KIF26B: variants seen among roughly 807,000 people sequenced by gnomAD.
KIF26B encodes the protein kinesin family member 26B, also known as kinesin-like protein KIF26B.
A neutral mutation model predicts 151.2 loss-of-function variants in KIF26B; 63 were observed. That is an observed-to-expected ratio of 0.42 (90% CI 0.34 to 0.51). The LOEUF (loss-of-function observed/expected upper bound fraction) is 0.51. KIF26B is among the 20% of genes least tolerant of loss of function. The probability of loss-of-function intolerance (pLI) is 0.07; values close to 1 mark genes in which losing one functional copy is unlikely to be tolerated. For synonymous variants in KIF26B, 1,357 were observed against 1,262.1 expected (o/e 1.08, Z -1.59); for missense variants, 2,813 against 2,913.6 (o/e 0.97, Z 0.79).
In KIF26B at chr1:245,508,189, C is replaced by CCATT. The variant is rs201663658; in HGVS notation, c.1167-32558_1167-32555dup. ...AGGATGTTCTAGACCCTTCACCATT[C>CCATT]CATTCATTCATTCATTCATTCATCT... is the stretch of plus-strand genomic sequence containing the variant. On this transcript the variant is annotated intron_variant, in intron 4 of 14. Coordinates refer to ENST00000407071, the MANE Select transcript of KIF26B (RefSeq NM_018012.4). Among the ~76,000 whole-genome samples, 1,503 of 152,294 alleles carry CCATT rather than the reference C, an allele frequency of 9.9e-3. 30 individuals are homozygous for CCATT. Among genetic ancestry groups the CCATT allele is most frequent in the Admixed American group, 0.034 (515 of 15,302 alleles).
chr1:245,169,330 T>TGTGTGGGTGG (rs1553330289), intron 2 of KIF26B, among the ~76,000 whole-genome samples: 11 of 142,332 alleles, frequency 7.7e-5, no homozygotes, highest in African/African-American at 3.2e-4. Flanking sequence ...CGGGCCATGG[T>TGTGTGGGTGG]GTGTGTGTGT....
chr1:245,611,107 A>G (rs1203056781), intron 8 of KIF26B, among the ~76,000 whole-genome samples: 2 of 152,236 alleles, frequency 1.3e-5, no homozygotes, highest in Non-Finnish European at 2.9e-5. Flanking sequence ...GCTTTCTTTA[A>G]TCAATTAATG....
intron 10 of KIF26B, among the ~76,000 whole-genome samples, chr1:245,671,913 G>C (rs768856000): frequency 2.0e-5 from 3 of 152,204 alleles, no homozygotes; most frequent in African/African-American, 7.2e-5. Context: ...AGAGGGGTGC[G>C]TGCCCCGAGC....
intron 4 of KIF26B, among the ~76,000 whole-genome samples, chr1:245,526,559 A>G (rs865949552): frequency 6.6e-6 from 1 of 152,214 alleles, no homozygotes; most frequent in Non-Finnish European, 1.5e-5. Flanking sequence ...GAAAGGGGGG[A>G]AAAGAAATTA....
In KIF26B at chr1:245,686,640, A is replaced by G. The variant is rs763796142; in HGVS notation, c.3657A>G (p.Ala1219=). The change falls in exon 12 of 15, where the codon GCA becomes GCG. Residue 1219 remains alanine (A), a synonymous_variant. Coordinates refer to ENST00000407071, the MANE Select transcript of KIF26B (RefSeq NM_018012.4). The surrounding 1 kb of genome is among the most constrained non-coding windows in gnomAD (Gnocchi z 5.6). ...SIISFNSDCS[A]RALASGSRPV... Reference sequence around the variant, plus strand: ...TCAGCTTCAACAGCGACTGCTCTGCACGGGCCCTGGCCTCGGGCTCGCGGC... The same window carrying G: ...TCAGCTTCAACAGCGACTGCTCTGCGCGGGCCCTGGCCTCGGGCTCGCGGC... The G allele has an allele frequency of 2.5e-6, 4 of 1,610,822 alleles. No individual in the cohort carries two copies. Among genetic ancestry groups the G allele is most frequent in the African/African-American group, 1.3e-5 (1 of 74,854 alleles).
chr1:245,224,426 C>T (rs990060862), intron 2 of KIF26B, among the ~76,000 whole-genome samples: 1 of 152,246 alleles, frequency 6.6e-6, no homozygotes, highest in Non-Finnish European at 1.5e-5. Context: ...CTGCTTTTCT[C>T]ATGGAACACC....
intron 4 of KIF26B, chr1:245,511,140 A>T: frequency 2.8e-6 from 2 of 717,270 alleles, no homozygotes; most frequent in East Asian, 2.7e-5. Context: ...TAAGTAACGC[A>T]GTTATATATG....
intron 2 of KIF26B, among the ~76,000 whole-genome samples, chr1:245,225,835 G>C (rs1669863189): frequency 6.6e-6 from 1 of 152,202 alleles, no homozygotes; most frequent in African/African-American, 2.4e-5. Context: ...GCATAAAACA[G>C]CTTTTACTGA....
intron 9 of KIF26B, among the ~76,000 whole-genome samples, chr1:245,630,780 G>A (rs144361741): frequency 0.012 from 1,880 of 152,152 alleles, 43 homozygotes; most frequent in African/African-American, 0.043. Context: ...TAACTCTTCT[G>A]ATCCATGAGC....
intron 3 of KIF26B, among the ~76,000 whole-genome samples, chr1:245,397,879 C>T (rs763086417): frequency 6.6e-6 from 1 of 152,158 alleles, no homozygotes; most frequent in Non-Finnish European, 1.5e-5. Flanking sequence ...TTCTTATGCA[C>T]CTGCTCTCTA....
At chr1:245,675,296 C>T (rs1054891398) in intron 10 of KIF26B, among the ~76,000 whole-genome samples, 2 of 151,652 alleles carry the variant, frequency 1.3e-5, no homozygotes, top group Non-Finnish European at 3.0e-5. Context: ...TGATTGATTT[C>T]CCATGTGGTC....
intron 2 of KIF26B, among the ~76,000 whole-genome samples, chr1:245,175,955 T>G (rs964808974): frequency 7.7e-6 from 1 of 129,126 alleles, no homozygotes; most frequent in African/African-American, 3.2e-5. Flanking sequence ...TATAGATATC[T>G]ATATCTATAT....
At chr1:245,361,448 T>G (rs1672816779) in intron 2 of KIF26B, among the ~76,000 whole-genome samples, 1 of 152,242 alleles carries the variant, frequency 6.6e-6, no homozygotes, top group Admixed American at 6.5e-5. Flanking sequence ...TCTTCACGCC[T>G]TTACATTCAG....
chr1:245,646,158 C>G lies in KIF26B; in HGVS notation c.2136C>G (p.Leu712=), dbSNP rs368743387. Residue 712 remains leucine, a synonymous_variant, in exon 10 of 15, where the codon CTC becomes CTG. Coordinates refer to ENST00000407071, the MANE Select transcript of KIF26B (RefSeq NM_018012.4). ...GGRSRLHLID[L]GSCVKALSKN... ...GCAGCCGCCTGCATCTCATTGATCT[C>G]GGCAGCTGTGTGAAAGCTCTTAGCA... 7 of 1,614,002 alleles carry G rather than the reference C, an allele frequency of 4.3e-6. No individual in the cohort carries two copies. Among genetic ancestry groups the G allele is most frequent in the Non-Finnish European group, 5.9e-6 (7 of 1,179,888 alleles).
chr1:245,677,006 C>A (rs35933454), intron 10 of KIF26B, among the ~76,000 whole-genome samples: 44,298 of 152,152 alleles, frequency 0.29, 8,026 homozygotes, highest in Middle Eastern at 0.41. Context: ...GCCTCAGAGG[C>A]ATCTCAAATG....
Position 245,702,103 on chromosome 1 carries a change from C to T in KIF26B, c.6179-355C>T, listed in dbSNP as rs1326842646. Among the ~76,000 whole-genome samples the T allele has an allele frequency of 4.7e-5, 2 of 42,768 alleles. No homozygotes were observed. Among genetic ancestry groups the T allele is most frequent in the Admixed American group, 2.7e-4 (1 of 3,732 alleles). The allele number at this position is 42,768 out of a possible 152,430, so 28.1% of individuals were successfully genotyped here. ...AAGGGAGGGACTCTCCCCACCTCAACTTGAATTATTTACTTGATTGATTGA... is the reference window on the plus strand; with the variant it reads ...AAGGGAGGGACTCTCCCCACCTCAATTTGAATTATTTACTTGATTGATTGA... On this transcript the variant is annotated intron_variant, in intron 14 of 14. Coordinates refer to ENST00000407071, the MANE Select transcript of KIF26B (RefSeq NM_018012.4). The surrounding 1 kb of genome is among the most constrained non-coding windows in gnomAD (Gnocchi z 4.1).
chr1:245,612,097 T>TGAGA (rs1376600338), intron 9 of KIF26B, 121 bp downstream of exon 9: 71 of 654,552 alleles, frequency 1.1e-4, no homozygotes, highest in East Asian at 9.0e-4. Flanking sequence ...TGTGTGTGTG[T>TGAGA]GTGTGTGTGA....
chr1:245,661,656 A>G (rs920688389), intron 10 of KIF26B, among the ~76,000 whole-genome samples: 3 of 150,720 alleles, frequency 2.0e-5, no homozygotes, highest in Non-Finnish European at 4.4e-5. Flanking sequence ...AATGTTATAT[A>G]TAGACACACA....
Position 245,277,612 on chromosome 1 carries a change from T to C in KIF26B, c.466-89222T>C, listed in dbSNP as rs774174604. Among the ~76,000 whole-genome samples the C allele has an allele frequency of 5.3e-4, 80 of 152,182 alleles. 1 individual carries two copies. Among genetic ancestry groups the C allele is most frequent in the Non-Finnish European group, 1.1e-3 (74 of 68,044 alleles). On this transcript the variant is annotated intron_variant, in intron 2 of 14. Coordinates refer to ENST00000407071, the MANE Select transcript of KIF26B (RefSeq NM_018012.4). ...TTTTTAGGGGGATTAATATAGGATTTTGTTTGAAAACAAACAAACAAAAAC... is the reference window on the plus strand; with the variant it reads ...TTTTTAGGGGGATTAATATAGGATTCTGTTTGAAAACAAACAAACAAAAAC...
Sources: allele counts gnomAD v4.1 joint callset (sites outside exome capture counted in the v4.1 genomes callset), GRCh38; gene constraint gnomAD v4.1.1; non-coding constraint Gnocchi (gnomAD v3.1); transcripts MANE v1.5; gene names NCBI Gene and HGNC (gene_info 2026-07-23, HGNC 2026-07-21).